The following CSMD1 variants were observed in gnomAD, a reference collection of about 807,000 sequenced individuals.
CSMD1 encodes the protein CUB and sushi domain-containing protein 1.
CSMD1 carries 213 observed loss-of-function variants against 417.5 expected under a neutral mutation model. The observed-to-expected ratio is 0.51, with a 90% CI of 0.46 to 0.57. The LOEUF is 0.57. CSMD1 is among the 20% of genes least tolerant of loss of function. The pLI is 0.00. For synonymous variants in CSMD1, 2,862 were observed against 1,736.8 expected (o/e 1.65, Z -16.11); for missense variants, 6,923 against 4,529.7 (o/e 1.53, Z -15.17).
intron 41 of CSMD1, among the ~76,000 whole-genome samples, chr8:3,123,928 G>A (rs1023175686): frequency 6.6e-6 from 1 of 152,170 alleles, no homozygotes; most frequent in Non-Finnish European, 1.5e-5. Context: ...GTACAATTAA[G>A]TTCTTTTTTG....
At chr8:3,280,910 G>GA (rs1283085075) in intron 26 of CSMD1, among the ~76,000 whole-genome samples, 5 of 151,736 alleles carry the variant, frequency 3.3e-5, no homozygotes, top group East Asian at 1.9e-4. Context: ...TGAATATATA[G>GA]AAAAAAAAGA....
intron 25 of CSMD1, among the ~76,000 whole-genome samples, chr8:3,297,490 TAC>T (rs1229844135): frequency 5.9e-5 from 9 of 152,182 alleles, no homozygotes; most frequent in Non-Finnish European, 1.3e-4. Context: ...TGAAATGGAA[TAC>T]AGTTTGGAAA....
intron 2 of CSMD1, among the ~76,000 whole-genome samples, chr8:4,495,584 G>A (rs138136402): frequency 1.3e-5 from 2 of 151,262 alleles, no homozygotes; most frequent in Non-Finnish European, 1.5e-5. Context: ...CAGAAAAAAA[G>A]AAAAAAAAGA....
rs1465464616 is a variant in CSMD1 at position 4,324,003 on chromosome 8, A to G, written c.415+95950T>C. On this transcript the variant is annotated intron_variant, in intron 3 of 69. Coordinates refer to ENST00000635120, the MANE Select transcript of CSMD1 (RefSeq NM_033225.6). ...CAAGGACTTCACTGTGATCCTGGGA[A>G]TGGCAGGCACAGCCACACCCTTAGC... 2.6e-5 allele frequency among the ~76,000 whole-genome samples: 4 copies of G among 152,150 alleles called. No homozygotes were observed. In the East Asian group the frequency reaches 7.7e-4, roughly 29 times the overall value.
intron 3 of CSMD1, among the ~76,000 whole-genome samples, chr8:4,186,112 C>A (rs914400332): frequency 6.6e-6 from 1 of 152,100 alleles, no homozygotes; most frequent in Non-Finnish European, 1.5e-5. Context: ...TTGGGCCATG[C>A]CAGGCTGTCA....
intron 3 of CSMD1, among the ~76,000 whole-genome samples, chr8:4,380,709 T>G (rs1803047095): frequency 6.6e-6 from 1 of 152,176 alleles, no homozygotes; most frequent in Non-Finnish European, 1.5e-5. Context: ...CAGAGGATTG[T>G]GGATGTTGTA....
chr8:4,463,346 T>TG (rs1271175426), intron 2 of CSMD1, among the ~76,000 whole-genome samples: 1 of 152,170 alleles, frequency 6.6e-6, no homozygotes, highest in Non-Finnish European at 1.5e-5. Flanking sequence ...GAATATAGAA[T>TG]GGTGCGTCTA....
chr8:3,025,848 A>G (rs145985866), intron 51 of CSMD1, among the ~76,000 whole-genome samples: 3 of 152,368 alleles, frequency 2.0e-5, no homozygotes, highest in South Asian at 2.1e-4. Context: ...TGTTATTTTA[A>G]ATTAATACGT....
intron 1 of CSMD1, among the ~76,000 whole-genome samples, chr8:4,792,329 G>C (rs986491070): frequency 7.9e-5 from 12 of 152,104 alleles, no homozygotes. Context: ...TCTTAAAGTA[G>C]TCCAGTAGCA....
chr8:4,926,342 T>G lies in CSMD1; in HGVS notation c.85+67990A>C, dbSNP rs117157475. 2.0e-3 allele frequency among the ~76,000 whole-genome samples: 304 copies of G among 152,322 alleles called. 9 individuals carry two copies. The East Asian group carries it at 0.026, about 13-fold the overall frequency. On this transcript the variant is annotated intron_variant, in intron 1 of 69. Coordinates refer to ENST00000635120, the MANE Select transcript of CSMD1 (RefSeq NM_033225.6). Reference sequence around the variant, plus strand: ...CACCTATAATTTTGTGTAATAACCTTTGCTCTGACCCCACCATGAACTCTT... The same window carrying G: ...CACCTATAATTTTGTGTAATAACCTGTGCTCTGACCCCACCATGAACTCTT...
At chr8:3,350,562 C>A (rs1182061643) in intron 21 of CSMD1, among the ~76,000 whole-genome samples, 4 of 152,120 alleles carry the variant, frequency 2.6e-5, no homozygotes, top group African/African-American at 9.7e-5. Flanking sequence ...TAATAATTCA[C>A]ACTACTGTTC....
At chr8:3,805,346 G>C (rs970431902) in intron 5 of CSMD1, among the ~76,000 whole-genome samples, 1 of 152,080 alleles carries the variant, frequency 6.6e-6, no homozygotes, top group Non-Finnish European at 1.5e-5. Flanking sequence ...CTTTTTCCAG[G>C]ATACCAGAAT....
intron 1 of CSMD1, among the ~76,000 whole-genome samples, chr8:4,958,635 T>A (rs1001139042): frequency 1.3e-5 from 2 of 152,154 alleles, no homozygotes; most frequent in Non-Finnish European, 2.9e-5. Flanking sequence ...AAGTATGGGA[T>A]CTATGTGAAC....
intron 3 of CSMD1, among the ~76,000 whole-genome samples, chr8:4,343,615 A>C (rs1479672440): frequency 6.6e-6 from 1 of 152,164 alleles, no homozygotes; most frequent in Non-Finnish European, 1.5e-5. Flanking sequence ...TAACCCAAAA[A>C]GCAGACTATG....
chr8:3,950,231 G>A lies in CSMD1; in HGVS notation c.818+47672C>T, dbSNP rs561945857. ...CTGTGAAGTTTCTCATCATGCAGTG[G>A]AAGAATTATGATGATGAATTAGTAG... On this transcript the variant is annotated intron_variant, in intron 5 of 69. Transcript: ENST00000635120. 3.3e-5 allele frequency among the ~76,000 whole-genome samples: 5 copies of A among 152,256 alleles called. No individual in the cohort carries two copies. The East Asian group carries it at 9.7e-4, about 29-fold the overall frequency.
At chr8:4,649,964 G>C (rs1244326595) in intron 1 of CSMD1, among the ~76,000 whole-genome samples, 2 of 152,196 alleles carry the variant, frequency 1.3e-5, no homozygotes, top group Non-Finnish European at 2.9e-5. Context: ...CGTTCACACA[G>C]ATGACACAGC....
chr8:3,298,659 G>T (rs1024557011), intron 25 of CSMD1, among the ~76,000 whole-genome samples: 2 of 152,170 alleles, frequency 1.3e-5, no homozygotes, highest in African/African-American at 4.8e-5. Flanking sequence ...TCACCATGTT[G>T]ATCAGGTTGG....
At chr8:3,553,501 C>G (rs1175420727) in intron 10 of CSMD1, among the ~76,000 whole-genome samples, 1 of 152,184 alleles carries the variant, frequency 6.6e-6, no homozygotes, top group African/African-American at 2.4e-5. Flanking sequence ...ACAGCTGCGT[C>G]AAATCAACCA....
chr8:3,094,868 C>G (rs1042051798), intron 47 of CSMD1, among the ~76,000 whole-genome samples: 6 of 143,824 alleles, frequency 4.2e-5, no homozygotes, highest in Non-Finnish European at 6.1e-5. Flanking sequence ...TTTACTGCAA[C>G]AAAAATGTCA....
Sources: allele counts gnomAD v4.1 joint callset (sites outside exome capture counted in the v4.1 genomes callset), GRCh38; gene constraint gnomAD v4.1.1; transcripts MANE v1.5; gene names NCBI Gene and HGNC (gene_info 2026-07-23, HGNC 2026-07-21).